LARGE1: variants seen among roughly 807,000 people sequenced by gnomAD.
The protein encoded by LARGE1 is xylosyl- and glucuronyltransferase LARGE1.
LARGE1 carries 43 observed loss-of-function variants against 87.6 expected under a neutral mutation model. That is an observed-to-expected ratio of 0.49 (90% CI 0.38 to 0.63). LARGE1 has a LOEUF of 0.63. LARGE1 is among the 30% of genes least tolerant of loss of function. LARGE1 has a pLI of 0.00. For synonymous variants in LARGE1, 434 were observed against 394.6 expected (o/e 1.10, Z -1.18); for missense variants, 802 against 1,000.2 (o/e 0.80, Z 2.67).
chr22:33,716,838 A>G (rs1319618726), intron 2 of LARGE1, among the ~76,000 whole-genome samples: 1 of 152,180 alleles, frequency 6.6e-6, no homozygotes, highest in East Asian at 1.9e-4. Context: ...ATAGTTGAAG[A>G]CCCTGCAGCC....
rs5998921 is a variant in LARGE1, at chr22:33,398,587, G to A, written c.893-14283C>T. 8.8e-3 allele frequency among the ~76,000 whole-genome samples: 1,342 copies of A among 152,284 alleles called. 20 individuals are homozygous for A. Among genetic ancestry groups the A allele is most frequent in the African/African-American group, 0.031 (1,270 of 41,556 alleles). ...AGTGCTTTGCAAATAAAAAGTTGAGGAAAAGTGTTCTTATGGGTTGAATTA... is the reference window on the plus strand; with the variant it reads ...AGTGCTTTGCAAATAAAAAGTTGAGAAAAAGTGTTCTTATGGGTTGAATTA... On this transcript the variant is annotated intron_variant, in intron 7 of 14. Coordinates refer to ENST00000397394, the MANE Select transcript of LARGE1 (RefSeq NM_133642.5).
At chr22:33,621,452 T>TTGA (rs10691994) in intron 4 of LARGE1, among the ~76,000 whole-genome samples, 113,227 of 151,792 alleles carry the variant, frequency 0.75, 42,502 homozygotes, top group African/African-American at 0.83. Flanking sequence ...TAAAACTGAT[T>TTGA]TGATGTAATG....
At position 33,835,445 on chromosome 22, in the gene LARGE1, C is replaced by T. The variant is rs191845127; in HGVS notation, c.-82-73887G>A. On this transcript the variant is annotated intron_variant, in intron 1 of 14. Transcript: ENST00000397394. ...CCTCCAAGAGTGTGAGGTGCTTTCA[C>T]AGTCATGTTAATTAATGCATCGGAT... Among the ~76,000 whole-genome samples the T allele has an allele frequency of 7.9e-5, 12 of 152,306 alleles. No individual in the cohort carries two copies. The East Asian group carries it at 2.3e-3, about 29-fold the overall frequency.
intron 1 of LARGE1, among the ~76,000 whole-genome samples, chr22:33,818,173 T>C (rs2086712724): frequency 6.6e-6 from 1 of 152,184 alleles, no homozygotes; most frequent in Non-Finnish European, 1.5e-5. Context: ...TAGGGCTTCT[T>C]GAGACTCACA....
intron 11 of LARGE1, among the ~76,000 whole-genome samples, chr22:33,187,381 CAGAAAT>C (rs3071472): frequency 0.14 from 21,997 of 151,956 alleles, 1,634 homozygotes; most frequent in East Asian, 0.21. Context: ...TGAAATAAGC[CAGAAAT>C]AGAAAGACAA....
the LARGE1 span, chr22:33,137,319 A>T: frequency 5.2e-5 from 8 of 152,406 alleles, no homozygotes; most frequent in African/African-American, 1.7e-4. Flanking sequence ...GCATCATTGC[A>T]AGGTGAATAT....
intron 2 of LARGE1, among the ~76,000 whole-genome samples, chr22:33,654,936 A>G (rs1463474722): frequency 6.6e-6 from 1 of 152,192 alleles, no homozygotes; most frequent in African/African-American, 2.4e-5. Context: ...CGTGTAACTC[A>G]TCACTGGAAT....
chr22:33,744,568 T>C (rs1201986198), intron 2 of LARGE1, among the ~76,000 whole-genome samples: 1 of 152,202 alleles, frequency 6.6e-6, no homozygotes, highest in Non-Finnish European at 1.5e-5. Context: ...CCTGCTGCCG[T>C]GATGCCCTCT....
At chr22:33,126,359 C>T in the LARGE1 span, among the ~76,000 whole-genome samples, 1 of 152,178 alleles carries the variant, frequency 6.6e-6, no homozygotes, top group Non-Finnish European at 1.5e-5. Context: ...AAGAGTCACT[C>T]TCTGATTTGT....
intron 2 of LARGE1, chr22:33,733,144 C>T (rs1001828448): frequency 4.6e-5 from 7 of 152,234 alleles, no homozygotes; most frequent in Non-Finnish European, 1.0e-4. Flanking sequence ...GGTGCTTTTA[C>T]CTCCGCACCT....
At chr22:33,474,906 A>AG (rs1376094337) in intron 6 of LARGE1, among the ~76,000 whole-genome samples, 1 of 152,194 alleles carries the variant, frequency 6.6e-6, no homozygotes, top group Non-Finnish European at 1.5e-5. Flanking sequence ...AATTTTGTTC[A>AG]GGGGATAACT....
intron 1 of LARGE1, among the ~76,000 whole-genome samples, chr22:33,852,467 C>T (rs947362517): frequency 1.3e-5 from 2 of 152,272 alleles, no homozygotes; most frequent in East Asian, 1.9e-4. Flanking sequence ...AATTAGGTTA[C>T]ATTCCAGCAA....
At chr22:33,793,849 G>T (rs1342515860) in intron 1 of LARGE1, among the ~76,000 whole-genome samples, 1 of 151,840 alleles carries the variant, frequency 6.6e-6, no homozygotes, top group African/African-American at 2.4e-5. Context: ...ATACAAAGAG[G>T]GGGTGGTGTG....
chr22:33,310,156 G>T (rs1935402752), intron 11 of LARGE1, among the ~76,000 whole-genome samples: 1 of 152,062 alleles, frequency 6.6e-6, no homozygotes, highest in African/African-American at 2.4e-5. Flanking sequence ...TTTCTGACAA[G>T]CTCCCATGCA....
chr22:33,422,781 A>C (rs548782373), intron 7 of LARGE1, among the ~76,000 whole-genome samples: 2 of 152,156 alleles, frequency 1.3e-5, no homozygotes, highest in Admixed American at 6.5e-5. Flanking sequence ...ACTTTTAAAC[A>C]ACCAGATCTC....
At chr22:33,860,301 T>A (rs990480306) in intron 1 of LARGE1, among the ~76,000 whole-genome samples, 1 of 152,160 alleles carries the variant, frequency 6.6e-6, no homozygotes, top group African/African-American at 2.4e-5. Context: ...CTTTTTTGAA[T>A]TTTTTTAAAT....
At position 33,360,934 on chromosome 22, in the gene LARGE1, C is replaced by T. The variant is rs5749606; in HGVS notation, c.1131+20985G>A. 6.7e-5 allele frequency among the ~76,000 whole-genome samples: 10 copies of T among 149,686 alleles called. 1 individual carries two copies. The East Asian group carries it at 1.4e-3, about 20-fold the overall frequency. On this transcript the variant is annotated intron_variant, in intron 9 of 14. Transcript: ENST00000397394. ...ATGTAATCCCGATAAAACCCCATGT[C>T]GGCCGGGCACAGTGGCTCACGCCTA...
chr22:33,332,646 G>A (rs938186651), intron 10 of LARGE1, among the ~76,000 whole-genome samples: 1 of 152,164 alleles, frequency 6.6e-6, no homozygotes, highest in Non-Finnish European at 1.5e-5. Flanking sequence ...CACAGAGCTG[G>A]GAGCATAGGC....
intron 7 of LARGE1, among the ~76,000 whole-genome samples, chr22:33,429,236 G>T (rs2066995300): frequency 6.6e-6 from 1 of 152,156 alleles, no homozygotes; most frequent in African/African-American, 2.4e-5. Context: ...TGGTTTTAAA[G>T]CGACACATCC....
Sources: allele counts gnomAD v4.1 joint callset (sites outside exome capture counted in the v4.1 genomes callset), GRCh38; gene constraint gnomAD v4.1.1; transcripts MANE v1.5; gene names NCBI Gene and HGNC (gene_info 2026-07-23, HGNC 2026-07-21).